The following NAPG variants were observed in gnomAD, a reference collection of about 807,000 sequenced individuals.
NAPG encodes NSF attachment protein gamma.
Under a neutral mutation model 48.4 loss-of-function variants are expected in NAPG, and 25 were observed. The observed-to-expected ratio is 0.52, with a 90% CI of 0.38 to 0.72. The LOEUF is 0.72. Among genes scored for constraint, NAPG ranks in the 30% least tolerant of loss-of-function variants. The pLI is 0.00. For synonymous variants in NAPG, 139 were observed against 127.2 expected, an observed-to-expected ratio of 1.09 and a Z score of -0.62; for missense variants, 359 against 372.5, an observed-to-expected ratio of 0.96 and a Z score of 0.30.
chr18:10,539,515 G>C lies in NAPG; in HGVS notation c.259-247G>C, dbSNP rs1423034749. ...CATCACACTCCTGGGCCTGTCGGGG[G>C]CTGGGGAATAAGGGGAGGGAGAGCA... On this transcript the variant is annotated intron_variant, in intron 5 of 11. Coordinates refer to ENST00000322897, the MANE Select transcript of NAPG (RefSeq NM_003826.3). This position sits in a 1 kb window ranked among gnomAD's most constrained non-coding sequence, Gnocchi z 4.7. 9.9e-6 allele frequency: 4 copies of C among 405,898 alleles called. No individual in the cohort carries two copies. Among genetic ancestry groups the C allele is most frequent in the African/African-American group, 4.1e-5 (2 of 49,236 alleles). 25.1% of individuals were successfully genotyped at this position (405,898 alleles called of 1,614,324 possible).
chr18:10,530,309 A>G (rs1427586533), intron 1 of NAPG, among the ~76,000 whole-genome samples: 3 of 146,450 alleles, frequency 2.0e-5, no homozygotes, highest in Non-Finnish European at 3.0e-5. Flanking sequence ...GATCTCATCT[A>G]TGCTCTTGAC....
chr18:10,548,406 T>C lies in NAPG; in HGVS notation c.665+28T>C, dbSNP rs116893607. 6,168 of 1,570,384 alleles carry C rather than the reference T, an allele frequency of 3.9e-3. 19 individuals carry two copies. The highest frequency in any genetic ancestry group is 4.8e-3 in the Non-Finnish European group (5,457 of 1,140,588). On this transcript the variant is annotated intron_variant, in intron 10 of 11. Coordinates refer to ENST00000322897, the MANE Select transcript of NAPG (RefSeq NM_003826.3). The surrounding 1 kb of genome is among the most constrained non-coding windows in gnomAD (Gnocchi z 4.4). ...AAGACGTTGTCTGGGCCCTCTTGAC[T>C]TGCAGTGGCGACACCTCTGTGTCTA...
Position 10,544,398 on chromosome 18 carries a change from T to G in NAPG, c.507-1928T>G, listed in dbSNP as rs2032219420. 6.6e-6 allele frequency among the ~76,000 whole-genome samples: 1 copy of G among 152,208 alleles called. No homozygotes were observed. Among genetic ancestry groups the G allele is most frequent in the Admixed American group, 6.5e-5 (1 of 15,286 alleles). On this transcript the variant is annotated intron_variant, in intron 8 of 11. Transcript: ENST00000322897. This position sits in a 1 kb window ranked among gnomAD's most constrained non-coding sequence, Gnocchi z 5.1. Reference sequence around the variant, plus strand: ...CTGATCTCACCGGAGGCTTGGGTCCTTTTCCAAGCTCATTGATTGTTGGCA... The same window carrying G: ...CTGATCTCACCGGAGGCTTGGGTCCGTTTCCAAGCTCATTGATTGTTGGCA...
Position 10,548,132 on chromosome 18 carries a change from G to C in NAPG, c.586-167G>C, listed in dbSNP as rs1362364827. Among the ~76,000 whole-genome samples the C allele has an allele frequency of 6.6e-6, 1 of 152,126 alleles. No homozygotes were observed. The highest frequency in any genetic ancestry group is 2.4e-5 in the African/African-American group (1 of 41,422). ...TGAGAATTGGAAAAGTACTGTTCTA[G>C]GATATTTCCCCTCAGGTGTCCCGTG... On this transcript the variant is annotated intron_variant, in intron 9 of 11. Coordinates refer to ENST00000322897, the MANE Select transcript of NAPG (RefSeq NM_003826.3). The surrounding 1 kb of genome is among the most constrained non-coding windows in gnomAD (Gnocchi z 4.4).
intron 5 of NAPG, among the ~76,000 whole-genome samples, chr18:10,537,930 TC>T (rs1205519539): frequency 6.6e-6 from 1 of 152,118 alleles, no homozygotes; most frequent in Non-Finnish European, 1.5e-5. Flanking sequence ...GTTAAGGGTA[TC>T]CTAATGAATT....
chr18:10,528,582 A>G lies in NAPG; in HGVS notation c.57-2188A>G, dbSNP rs542853630. ...AGAGGTGGTGATGGCCTGAATTCAA[A>G]TAACAGTACAGGGGTAGGACTGGGT... is the stretch of plus-strand genomic sequence containing the variant. On this transcript the variant is annotated intron_variant, in intron 1 of 11. Coordinates refer to ENST00000322897, the MANE Select transcript of NAPG (RefSeq NM_003826.3). Among the ~76,000 whole-genome samples, 5 of 152,338 alleles carry G rather than the reference A, an allele frequency of 3.3e-5. No homozygotes were observed. In the South Asian group the frequency reaches 6.2e-4, roughly 19 times the overall value.
At position 10,551,964 on chromosome 18, in the gene NAPG, T is replaced by C. The variant is rs879196356; in HGVS notation, c.*1744T>C. On this transcript the variant is annotated 3_prime_UTR_variant, in exon 12 of 12. Coordinates refer to ENST00000322897, the MANE Select transcript of NAPG (RefSeq NM_003826.3). ...TGTAGACATTTGCATTTAAGGACATTGCAGTGTTTCAAAGATCCCATCATT... is the reference window on the plus strand; with the variant it reads ...TGTAGACATTTGCATTTAAGGACATCGCAGTGTTTCAAAGATCCCATCATT... 8 of 152,318 alleles carry C rather than the reference T, an allele frequency of 5.3e-5. No homozygotes were observed. The highest frequency in any genetic ancestry group is 5.2e-4 in the Admixed American group (8 of 15,304). The allele number at this position is 152,318 out of a possible 1,614,324, so 9.4% of individuals were successfully genotyped here. A position where few individuals can be genotyped will look rare whatever the true frequency, so the allele number is the denominator to read the frequency against.
At chr18:10,537,092 G>A (rs562091235) in intron 5 of NAPG, among the ~76,000 whole-genome samples, 1 of 152,188 alleles carries the variant, frequency 6.6e-6, no homozygotes, top group Non-Finnish European at 1.5e-5. Flanking sequence ...GAGTAGCTGG[G>A]ACTATAGGTG....
Position 10,532,757 on chromosome 18 carries a change from C to G in NAPG, c.171C>G (p.Ala57=). 6.3e-7 allele frequency: 1 copy of G among 1,592,848 alleles called. No homozygotes were observed. Among genetic ancestry groups the G allele is most frequent in the African/African-American group, 1.3e-5 (1 of 74,442 alleles). Residue 57 remains alanine (A), a synonymous_variant, in exon 3 of 12, where the codon GCC becomes GCG. Transcript: ENST00000322897. ...NAKQFEQAKD[A]CLREAVAHEN... The stretch of plus-strand genomic sequence containing the variant: ...AACAGTTTGAGCAAGCAAAAGATGC[C>G]TGCCTGAGGGAAGCTGTTGCCCATG...
chr18:10,531,801 G>A (rs1015110026), intron 2 of NAPG, among the ~76,000 whole-genome samples: 2 of 152,188 alleles, frequency 1.3e-5, no homozygotes, highest in African/African-American at 4.8e-5. Context: ...CTGCCCCTCT[G>A]AGATCATGAA....
At chr18:10,536,781 C>T (rs986591442) in intron 5 of NAPG, among the ~76,000 whole-genome samples, 1 of 151,928 alleles carries the variant, frequency 6.6e-6, no homozygotes, top group African/African-American at 2.4e-5. Flanking sequence ...TTTTTTTATC[C>T]TCCCAAATGC....
chr18:10,528,931 A>G (rs1409609066), intron 1 of NAPG, among the ~76,000 whole-genome samples: 1 of 152,222 alleles, frequency 6.6e-6, no homozygotes, highest in Non-Finnish European at 1.5e-5. Flanking sequence ...ATTGCTGAGT[A>G]ATTTTGTAAA....
At chr18:10,538,595 T>C (rs972303521) in intron 5 of NAPG, among the ~76,000 whole-genome samples, 2 of 152,182 alleles carry the variant, frequency 1.3e-5, no homozygotes, top group African/African-American at 4.8e-5. Context: ...AAGAGCAAGG[T>C]TTTTGGTTTT....
At position 10,540,378 on chromosome 18, in the gene NAPG, G is replaced by GT; in HGVS notation, c.485_486insT (p.Arg162SerfsTer8). On this transcript the variant is annotated frameshift_variant, in exon 8 of 12. Transcript: ENST00000322897. LOFTEE classifies it high-confidence loss of function. ...GTTGAATTACTAGGAAAAGCCTCCAGACTACTAGTACGAGGACGTAGGTAT... is the reference window on the plus strand; with the variant it reads ...GTTGAATTACTAGGAAAAGCCTCCAGTACTACTAGTACGAGGACGTAGGTAT... The GT allele has an allele frequency of 6.2e-7, 1 of 1,613,560 alleles. No individual in the cohort carries two copies. The highest frequency in any genetic ancestry group is 1.1e-5 in the South Asian group (1 of 91,074).
chr18:10,545,622 A>G (rs2032246990), intron 8 of NAPG, among the ~76,000 whole-genome samples: 2 of 152,146 alleles, frequency 1.3e-5, no homozygotes, highest in Non-Finnish European at 2.9e-5. Context: ...GGGAGGTTCA[A>G]TTAGGGTTTG....
intron 5 of NAPG, among the ~76,000 whole-genome samples, chr18:10,537,082 G>C (rs2032050666): frequency 6.6e-6 from 1 of 151,600 alleles, no homozygotes; most frequent in African/African-American, 2.4e-5. Flanking sequence ...TCAGCCTCCT[G>C]AGTAGCTGGG....
rs1339453588 is a variant in NAPG at position 10,551,845 on chromosome 18, T to C, written c.*1625T>C. 1 of 152,230 alleles carries C rather than the reference T, an allele frequency of 6.6e-6. No homozygotes were observed. Among genetic ancestry groups the C allele is most frequent in the Non-Finnish European group, 1.5e-5 (1 of 68,040 alleles). 9.4% of individuals were successfully genotyped at this position (152,230 alleles called of 1,614,324 possible). A position where few individuals can be genotyped will look rare whatever the true frequency, so the allele number is the denominator to read the frequency against. Reference sequence around the variant, plus strand: ...AAGTCTGATACAAAATGCTAATAAATTTAATGTTTTTCTTCCTTAATTTAT... The same window carrying C: ...AAGTCTGATACAAAATGCTAATAAACTTAATGTTTTTCTTCCTTAATTTAT... On this transcript the variant is annotated 3_prime_UTR_variant, in exon 12 of 12. Coordinates refer to ENST00000322897, the MANE Select transcript of NAPG (RefSeq NM_003826.3).
chr18:10,546,239 A>C lies in NAPG; in HGVS notation c.507-87A>C. The C allele has an allele frequency of 1.3e-6, 1 of 787,718 alleles. No individual in the cohort carries two copies. The highest frequency in any genetic ancestry group is 1.9e-6 in the Non-Finnish European group (1 of 515,434). 48.8% of individuals were successfully genotyped at this position (787,718 alleles called of 1,614,324 possible). On this transcript the variant is annotated intron_variant, in intron 8 of 11. Coordinates refer to ENST00000322897, the MANE Select transcript of NAPG (RefSeq NM_003826.3). The surrounding 1 kb of genome is among the most constrained non-coding windows in gnomAD (Gnocchi z 4.0). ...TACCTGTCCTCCTGGTGTCTCTACA[A>C]TCTATGATGTCAAGTACATTTCACA... is the stretch of plus-strand genomic sequence containing the variant.
rs1416170511 is a variant in NAPG at position 10,552,558 on chromosome 18, A to G, written c.*2338A>G. 3.3e-5 allele frequency: 5 copies of G among 152,242 alleles called. No homozygotes were observed. Among genetic ancestry groups the G allele is most frequent in the Non-Finnish European group, 5.9e-5 (4 of 68,050 alleles). The allele number at this position is 152,242 out of a possible 1,614,324, so 9.4% of individuals were successfully genotyped here. On this transcript the variant is annotated 3_prime_UTR_variant, in exon 12 of 12. Coordinates refer to ENST00000322897, the MANE Select transcript of NAPG (RefSeq NM_003826.3). ...AATCTAATATTCAATGTTCTGTTAC[A>G]TTGTAAGTGAAGTCCAGCTACAAAA...
Sources: allele counts gnomAD v4.1 joint callset (sites outside exome capture counted in the v4.1 genomes callset), GRCh38; gene constraint gnomAD v4.1.1; non-coding constraint Gnocchi (gnomAD v3.1); transcripts MANE v1.5; gene names NCBI Gene and HGNC (gene_info 2026-07-23, HGNC 2026-07-21).